Variants in CAMTA1 observed in about 807,000 individuals in gnomAD.
CAMTA1 encodes calmodulin binding transcription activator 1, also known as calmodulin-binding transcription activator 1.
A neutral mutation model predicts 170.9 loss-of-function variants in CAMTA1; 27 were observed. The ratio of observed to expected loss-of-function variants is 0.16; its 90% CI spans 0.12 to 0.22. CAMTA1 has a LOEUF of 0.22. Ranked by LOEUF, CAMTA1 falls within the 10% of genes least tolerant of loss-of-function variation. The pLI is 1.00. For synonymous variants in CAMTA1, 833 were observed against 891.5 expected, an observed-to-expected ratio of 0.93 and a Z score of 1.17; for missense variants, 1,619 against 2,217.2, an observed-to-expected ratio of 0.73 and a Z score of 5.42.
intron 3 of CAMTA1, among the ~76,000 whole-genome samples, chr1:7,028,066 A>G (rs1702253717): frequency 6.6e-6 from 1 of 151,842 alleles, no homozygotes; most frequent in South Asian, 2.1e-4. Context: ...CACCATGCCT[A>G]GCTAACTTTT....
At chr1:7,499,937 A>G (rs2093954176) in intron 6 of CAMTA1, among the ~76,000 whole-genome samples, 1 of 112,076 alleles carries the variant, frequency 8.9e-6, no homozygotes, top group African/African-American at 3.7e-5. Context: ...GTGTGCAGAG[A>G]GGATGAGTGT....
intron 6 of CAMTA1, among the ~76,000 whole-genome samples, chr1:7,611,489 G>A (rs1037437995): frequency 6.6e-5 from 10 of 152,174 alleles, no homozygotes; most frequent in Non-Finnish European, 8.8e-5. Context: ...AGGTTTGAGC[G>A]AGGACCAGGA....
At chr1:6,901,813 A>G (rs1571530428) in intron 3 of CAMTA1, among the ~76,000 whole-genome samples, 1 of 152,156 alleles carries the variant, frequency 6.6e-6, no homozygotes, top group African/African-American at 2.4e-5. Flanking sequence ...TGGGAGGCCA[A>G]GGCAGGTGGA....
chr1:7,408,978 A>G (rs763163), intron 5 of CAMTA1, among the ~76,000 whole-genome samples: 139,434 of 152,170 alleles, frequency 0.92, 63,954 homozygotes, highest in East Asian at 0.99. Context: ...AGGCTGCTCC[A>G]GAACACTCCT....
At chr1:7,147,091 A>G (rs1646242164) in intron 4 of CAMTA1, among the ~76,000 whole-genome samples, 2 of 151,426 alleles carry the variant, frequency 1.3e-5, no homozygotes, top group African/African-American at 4.9e-5. Flanking sequence ...AAACACACTC[A>G]TGTACAGCAT....
At chr1:7,104,283 C>CAA (rs1553246813) in intron 4 of CAMTA1, among the ~76,000 whole-genome samples, 1 of 151,748 alleles carries the variant, frequency 6.6e-6, no homozygotes, top group African/African-American at 2.4e-5. Context: ...GCACACAAAA[C>CAA]AAATATTCAA....
intron 4 of CAMTA1, among the ~76,000 whole-genome samples, chr1:7,241,265 A>G (rs1216025253): frequency 6.6e-6 from 1 of 152,268 alleles, no homozygotes; most frequent in Non-Finnish European, 1.5e-5. Flanking sequence ...TGAAAACTAC[A>G]AAGTCTTAAT....
rs1049634312 is a variant in CAMTA1 at position 7,664,052 on chromosome 1, G to A, written c.1505G>A (p.Gly502Asp). 1.2e-6 allele frequency: 2 copies of A among 1,613,670 alleles called. No homozygotes were observed. Among genetic ancestry groups the A allele is most frequent in the Non-Finnish European group, 1.7e-6 (2 of 1,180,048 alleles). The change falls in exon 9 of 23, where the codon GGC (glycine) becomes GAC (aspartate). Residue 502 changes from glycine (G) to aspartate (D), a missense_variant. This residue lies in a region of CAMTA1 where 731 missense variants were observed against 907.6 expected (regional missense o/e 0.81). Transcript: ENST00000303635. ...CAGGGCCAGACGTACGGGGGTGGAG[G>A]CCTGAAAGCCGAGATGGTCAGCTCC... The part of the protein sequence containing the change: ...PKQGQTYGGG[G>D]LKAEMVSSNI...
At chr1:6,806,522 C>G (rs1490703677) in intron 1 of CAMTA1, among the ~76,000 whole-genome samples, 1 of 152,152 alleles carries the variant, frequency 6.6e-6, no homozygotes, top group Non-Finnish European at 1.5e-5. Context: ...AAGCATCTTG[C>G]CTTAAAAACA....
chr1:7,366,405 C>G (rs749504251), intron 5 of CAMTA1, among the ~76,000 whole-genome samples: 1 of 152,200 alleles, frequency 6.6e-6, no homozygotes, highest in African/African-American at 2.4e-5. Flanking sequence ...TCCAAGGCCG[C>G]GGGTTGCCTT....
At chr1:7,116,751 C>CA (rs1181198736) in intron 4 of CAMTA1, among the ~76,000 whole-genome samples, 7 of 149,528 alleles carry the variant, frequency 4.7e-5, no homozygotes, top group Non-Finnish European at 7.4e-5. Context: ...GGGTTCACGC[C>CA]ATTCTTCTGC....
rs1246718713 is a variant in CAMTA1, at chr1:7,007,408, C to A, written c.235-83896C>A. Among the ~76,000 whole-genome samples, 2 of 152,212 alleles carry A rather than the reference C, an allele frequency of 1.3e-5. No individual in the cohort carries two copies. Among genetic ancestry groups the A allele is most frequent in the Non-Finnish European group, 2.9e-5 (2 of 68,036 alleles). On this transcript the variant is annotated intron_variant, in intron 3 of 22. Coordinates refer to ENST00000303635, the MANE Select transcript of CAMTA1 (RefSeq NM_015215.4). This position sits in a 1 kb window ranked among gnomAD's most constrained non-coding sequence, Gnocchi z 4.5. ...CCTGTGGGCCACCCCGAGGAAGTGA[C>A]CCCTATGAGCCAGCCTTGTGGGGCA...
At chr1:7,569,229 T>C (rs1187828805) in intron 6 of CAMTA1, among the ~76,000 whole-genome samples, 1 of 144,146 alleles carries the variant, frequency 6.9e-6, no homozygotes, top group Non-Finnish European at 1.5e-5. Flanking sequence ...TCATCCATCA[T>C]CATCACCATC....
At chr1:7,116,471 A>C (rs7534172) in intron 4 of CAMTA1, among the ~76,000 whole-genome samples, 2,037 of 152,176 alleles carry the variant, frequency 0.013, 44 homozygotes, top group African/African-American at 0.047. Context: ...TTTCTTCAAC[A>C]TGGAGGGGCA....
At chr1:7,492,677 A>ATACACACG (rs879278856) in intron 6 of CAMTA1, among the ~76,000 whole-genome samples, 5 of 145,662 alleles carry the variant, frequency 3.4e-5, no homozygotes, top group African/African-American at 5.2e-5. Flanking sequence ...GAACACACAC[A>ATACACACG]CACAAACACA....
chr1:7,272,004 G>A (rs1383690566), intron 5 of CAMTA1, among the ~76,000 whole-genome samples: 1 of 152,010 alleles, frequency 6.6e-6, no homozygotes, highest in African/African-American at 2.4e-5. Flanking sequence ...GAATTCCCTG[G>A]TGAATTCTAC....
intron 5 of CAMTA1, among the ~76,000 whole-genome samples, chr1:7,423,411 G>A (rs773755855): frequency 6.7e-6 from 1 of 149,920 alleles, no homozygotes; most frequent in Non-Finnish European, 1.5e-5. Flanking sequence ...AGAGGTTGCA[G>A]TGAGCCAAGA....
intron 6 of CAMTA1, among the ~76,000 whole-genome samples, chr1:7,477,188 C>A (rs1365188793): frequency 1.3e-5 from 2 of 152,186 alleles, no homozygotes; most frequent in Non-Finnish European, 2.9e-5. Flanking sequence ...GGATAGAAAC[C>A]CAGCCCTGGT....
Position 7,585,841 on chromosome 1 carries a change from C to T in CAMTA1, c.511-54559C>T, listed in dbSNP as rs192223423. Among the ~76,000 whole-genome samples the T allele has an allele frequency of 5.3e-3, 811 of 151,998 alleles. 13 individuals carry two copies. Among genetic ancestry groups the T allele is most frequent in the African/African-American group, 0.018 (750 of 41,338 alleles). ...GCTGCGGGGCCTTAGTAGACTCAGCCCCCACCTCCCCTGCCTCCCACCTCC... is the reference window on the plus strand; with the variant it reads ...GCTGCGGGGCCTTAGTAGACTCAGCTCCCACCTCCCCTGCCTCCCACCTCC... On this transcript the variant is annotated intron_variant, in intron 6 of 22. Transcript: ENST00000303635. This position sits in a 1 kb window ranked among gnomAD's most constrained non-coding sequence, Gnocchi z 4.8.
Sources: allele counts gnomAD v4.1 joint callset (sites outside exome capture counted in the v4.1 genomes callset), GRCh38; gene constraint gnomAD v4.1.1; regional missense constraint gnomAD v4.1.1; non-coding constraint Gnocchi (gnomAD v3.1); transcripts MANE v1.5; gene names NCBI Gene and HGNC (gene_info 2026-07-23, HGNC 2026-07-21).